RGL1: variants seen among roughly 807,000 people sequenced by gnomAD.
RGL1 encodes ral guanine nucleotide dissociation stimulator-like 1.
In RGL1, 24 loss-of-function variants were observed where a neutral mutation model predicts 95.2. The observed-to-expected ratio is 0.25, with a 90% CI of 0.18 to 0.35. RGL1 has a LOEUF of 0.35. Ranked by LOEUF, RGL1 falls within the 10% of genes least tolerant of loss-of-function variation. The probability of loss-of-function intolerance (pLI) is 1.00; values close to 1 mark genes in which losing one functional copy is unlikely to be tolerated. For synonymous variants in RGL1, 329 were observed against 344.9 expected, an observed-to-expected ratio of 0.95 and a Z score of 0.51; for missense variants, 715 against 936.3, an observed-to-expected ratio of 0.76 and a Z score of 3.08.
At chr1:183,898,798 C>T (rs1020425286) in intron 10 of RGL1, among the ~76,000 whole-genome samples, 1 of 152,170 alleles carries the variant, frequency 6.6e-6, no homozygotes, top group Non-Finnish European at 1.5e-5. Flanking sequence ...ACAGTGAGTT[C>T]CTGAAGGACA....
chr1:183,784,403 G>C (rs1391918857), intron 2 of RGL1, among the ~76,000 whole-genome samples: 1 of 152,178 alleles, frequency 6.6e-6, no homozygotes, highest in African/African-American at 2.4e-5. Flanking sequence ...CAGGTTCATG[G>C]GCAGACTTCC....
chr1:183,820,337 C>G (rs1353486446), intron 2 of RGL1, among the ~76,000 whole-genome samples: 2 of 152,088 alleles, frequency 1.3e-5, no homozygotes, highest in Non-Finnish European at 2.9e-5. Context: ...ATGCCACAGA[C>G]AAAAGAATGT....
intron 1 of RGL1, among the ~76,000 whole-genome samples, chr1:183,740,475 C>A (rs1338190190): frequency 6.6e-6 from 1 of 152,208 alleles, no homozygotes; most frequent in East Asian, 1.9e-4. Context: ...TTTCTTAAAT[C>A]CGCTGACCCG....
Position 183,905,071 on chromosome 1 carries a change from T to G in RGL1, c.1472+100T>G, listed in dbSNP as rs919944612. The G allele has an allele frequency of 2.5e-5, 35 of 1,420,016 alleles. No homozygotes were observed. The African/African-American group carries it at 4.9e-4, about 20-fold the overall frequency. 88.0% of individuals were successfully genotyped at this position (1,420,016 alleles called of 1,614,324 possible). ...GGTCATTTATTCAACAACTATTTAG[T>G]GAGCAGCTGCTAGGTTCCAGGTCCT... is the stretch of plus-strand genomic sequence containing the variant. On this transcript the variant is annotated intron_variant, in intron 13 of 17. Coordinates refer to ENST00000360851, the MANE Select transcript of RGL1 (RefSeq NM_001297671.3).
intron 2 of RGL1, among the ~76,000 whole-genome samples, chr1:183,842,585 A>G (rs192735912): frequency 4.5e-4 from 69 of 152,324 alleles, no homozygotes; most frequent in African/African-American, 1.7e-3. Flanking sequence ...GCTGGATTCT[A>G]AAGGCACAAA....
chr1:183,707,729 T>C (rs1655007632), intron 1 of RGL1, among the ~76,000 whole-genome samples: 1 of 151,176 alleles, frequency 6.6e-6, no homozygotes. Context: ...AAGAAGTGAA[T>C]ACAGCTGACT....
chr1:183,684,624 G>A (rs1653448787), intron 1 of RGL1, among the ~76,000 whole-genome samples: 1 of 152,138 alleles, frequency 6.6e-6, no homozygotes, highest in South Asian at 2.1e-4. Context: ...TGTTCCAGGC[G>A]CCACTGGGGT....
intron 2 of RGL1, among the ~76,000 whole-genome samples, chr1:183,845,097 G>A (rs1490024017): frequency 6.6e-6 from 1 of 152,214 alleles, no homozygotes; most frequent in East Asian, 1.9e-4. Flanking sequence ...ATCATCATTA[G>A]AGATCCACTT....
intron 1 of RGL1, among the ~76,000 whole-genome samples, chr1:183,683,737 C>G (rs1018264625): frequency 6.6e-6 from 1 of 152,196 alleles, no homozygotes; most frequent in Non-Finnish European, 1.5e-5. Flanking sequence ...GGAAGTTCTC[C>G]TGGCTAATAT....
upstream of RGL1, among the ~76,000 whole-genome samples, chr1:183,802,030 A>G (rs924294229): frequency 6.6e-6 from 1 of 152,104 alleles, no homozygotes; most frequent in Non-Finnish European, 1.5e-5. Context: ...AACTATAGCA[A>G]TTTTCTTTAA....
At chr1:183,745,760 G>A (rs923162380) in intron 2 of RGL1, among the ~76,000 whole-genome samples, 2 of 152,092 alleles carry the variant, frequency 1.3e-5, no homozygotes. Flanking sequence ...TTTCCATATG[G>A]ATTTAGGATG....
intron 12 of RGL1, among the ~76,000 whole-genome samples, chr1:183,902,840 C>T (rs921038830): frequency 1.2e-4 from 19 of 152,064 alleles, no homozygotes; most frequent in Admixed American, 9.8e-4. Flanking sequence ...AATTACTGGA[C>T]GAGAATCTCT....
intron 1 of RGL1, among the ~76,000 whole-genome samples, chr1:183,669,548 G>GT (rs1204853179): frequency 2.0e-5 from 3 of 152,124 alleles, no homozygotes; most frequent in African/African-American, 7.2e-5. Flanking sequence ...TTTAAACTGT[G>GT]TTTTTTGTCT....
At chr1:183,700,199 A>G (rs1654503899) in intron 1 of RGL1, among the ~76,000 whole-genome samples, 1 of 152,202 alleles carries the variant, frequency 6.6e-6, no homozygotes. Flanking sequence ...CTGCACCACT[A>G]GCCACTTCAA....
chr1:183,699,355 C>G (rs561337891), intron 1 of RGL1, among the ~76,000 whole-genome samples: 1 of 152,308 alleles, frequency 6.6e-6, no homozygotes, highest in Non-Finnish European at 1.5e-5. Context: ...TCCAAAATTG[C>G]TCCAGGTCGT....
At chr1:183,677,582 T>C (rs1428765981) in intron 1 of RGL1, among the ~76,000 whole-genome samples, 1 of 152,236 alleles carries the variant, frequency 6.6e-6, no homozygotes, top group Admixed American at 6.5e-5. Flanking sequence ...GGTTGCTTTA[T>C]GTCTTAATCC....
rs377099625 is a variant in RGL1 at position 183,722,802 on chromosome 1, G to A, written c.-32-19324G>A. Among the ~76,000 whole-genome samples the A allele has an allele frequency of 7.9e-5, 12 of 152,282 alleles. No individual in the cohort carries two copies. In the East Asian group the frequency reaches 1.7e-3, roughly 22 times the overall value. ...GTGAGAGTTGGCCAGCACACCTGCA[G>A]TACAAGGCTTGTTAAAGGAAGTTCT... On this transcript the variant is annotated intron_variant, in intron 1 of 18. Transcript: ENST00000304685.
At chr1:183,682,851 C>G (rs1653313980) in intron 1 of RGL1, among the ~76,000 whole-genome samples, 1 of 152,090 alleles carries the variant, frequency 6.6e-6, no homozygotes, top group African/African-American at 2.4e-5. Context: ...TCTAGGTGCT[C>G]TTGTATTGGG....
intron 1 of RGL1, among the ~76,000 whole-genome samples, chr1:183,738,866 A>C (rs1436001697): frequency 6.6e-6 from 1 of 152,156 alleles, no homozygotes; most frequent in Non-Finnish European, 1.5e-5. Context: ...GCACCACTGC[A>C]CTCCAGCCTG....
Sources: allele counts gnomAD v4.1 joint callset (sites outside exome capture counted in the v4.1 genomes callset), GRCh38; gene constraint gnomAD v4.1.1; transcripts MANE v1.5; gene names NCBI Gene and HGNC (gene_info 2026-07-23, HGNC 2026-07-21).